The following CACNA1A variants were observed in gnomAD, a reference collection of about 807,000 sequenced individuals.
CACNA1A encodes the protein calcium voltage-gated channel subunit alpha1 A.
CACNA1A carries 57 observed loss-of-function variants against 262.4 expected under a neutral mutation model. That is an observed-to-expected ratio of 0.22 (90% CI 0.18 to 0.27). The LOEUF is 0.27. Ranked by LOEUF, CACNA1A falls within the 10% of genes least tolerant of loss-of-function variation. The pLI is 1.00. For missense variants in CACNA1A, 2,526 were observed against 3,562.8 expected (o/e 0.71, Z 7.41); for synonymous variants, 1,431 against 1,419.3 (o/e 1.01, Z -0.18).
intron 6 of CACNA1A, among the ~76,000 whole-genome samples, chr19:13,340,452 A>C (rs1234439300): frequency 8.3e-6 from 1 of 119,918 alleles, no homozygotes; most frequent in African/African-American, 3.3e-5. Context: ...TTTGAGATGG[A>C]GTCTCACTCT....
chr19:13,337,900 T>C (rs1217978532), intron 6 of CACNA1A, among the ~76,000 whole-genome samples: 6 of 152,138 alleles, frequency 3.9e-5, no homozygotes, highest in Non-Finnish European at 7.4e-5. Context: ...CTGTAGGCAA[T>C]TGTAACTCTA....
intron 17 of CACNA1A, among the ~76,000 whole-genome samples, chr19:13,301,245 C>T (rs1401743332): frequency 1.3e-5 from 2 of 152,050 alleles, no homozygotes; most frequent in Non-Finnish European, 2.9e-5. Context: ...CATGTGCCAC[C>T]ATGCCTGGCC....
intron 4 of CACNA1A, among the ~76,000 whole-genome samples, chr19:13,369,265 C>T (rs1320991177): frequency 2.0e-5 from 3 of 152,118 alleles, no homozygotes; most frequent in African/African-American, 4.8e-5. Flanking sequence ...GGAGCTACTG[C>T]GTCTCTACCT....
At chr19:13,400,908 T>C (rs956398083) in intron 3 of CACNA1A, among the ~76,000 whole-genome samples, 2 of 152,132 alleles carry the variant, frequency 1.3e-5, no homozygotes, top group Non-Finnish European at 2.9e-5. Context: ...CACTGCAACC[T>C]CCACCTCCCA....
intron 6 of CACNA1A, among the ~76,000 whole-genome samples, chr19:13,341,059 A>C (rs1266439367): frequency 6.6e-6 from 1 of 152,202 alleles, no homozygotes; most frequent in Non-Finnish European, 1.5e-5. Context: ...GAGACAGAGC[A>C]AGACCCTGTG....
At chr19:13,310,989 C>T (rs529871457) in intron 12 of CACNA1A, among the ~76,000 whole-genome samples, 150 of 152,148 alleles carry the variant, frequency 9.9e-4, no homozygotes, top group Non-Finnish European at 1.9e-3. Context: ...GACGGGGTTT[C>T]GCCATGTTGG....
chr19:13,326,788 C>CAAAAAA (rs527327502), intron 10 of CACNA1A, among the ~76,000 whole-genome samples: 1 of 129,484 alleles, frequency 7.7e-6, no homozygotes, highest in Non-Finnish European at 1.7e-5. Flanking sequence ...GACACTGTCT[C>CAAAAAA]AAAAAAAAAA....
chr19:13,437,464 G>C (rs2060630747), intron 3 of CACNA1A, among the ~76,000 whole-genome samples: 1 of 152,112 alleles, frequency 6.6e-6, no homozygotes, highest in Non-Finnish European at 1.5e-5. Context: ...GCTGAGGAGG[G>C]TGGATCACCT....
At chr19:13,340,203 C>T (rs973891281) in intron 6 of CACNA1A, among the ~76,000 whole-genome samples, 21 of 152,148 alleles carry the variant, frequency 1.4e-4, no homozygotes, top group African/African-American at 4.6e-4. Flanking sequence ...CAAGGCAGCC[C>T]GTCCATCTCA....
At chr19:13,437,793 C>T (rs1422898533) in intron 3 of CACNA1A, among the ~76,000 whole-genome samples, 1 of 152,018 alleles carries the variant, frequency 6.6e-6, no homozygotes, top group Non-Finnish European at 1.5e-5. Context: ...CCTCTGCCCC[C>T]ACCTGAGCCC....
chr19:13,361,491 C>T (rs751235960), intron 5 of CACNA1A, among the ~76,000 whole-genome samples: 9 of 152,148 alleles, frequency 5.9e-5, no homozygotes, highest in Non-Finnish European at 1.3e-4. Flanking sequence ...GTGGCATTGT[C>T]GGACAAGAAA....
At chr19:13,251,144 A>AAG (rs1203038877) in intron 30 of CACNA1A, among the ~76,000 whole-genome samples, 1 of 150,960 alleles carries the variant, frequency 6.6e-6, no homozygotes, top group Non-Finnish European at 1.5e-5. Flanking sequence ...AAAAAAAAAA[A>AAG]AAGTTTTAAA....
chr19:13,249,331 T>C (rs921735305), intron 30 of CACNA1A, among the ~76,000 whole-genome samples: 3 of 151,896 alleles, frequency 2.0e-5, no homozygotes, highest in Non-Finnish European at 4.4e-5. Context: ...AGGAAAAAGG[T>C]CCATTAGTAG....
At chr19:13,221,670 C>T (rs937079817) in intron 38 of CACNA1A, among the ~76,000 whole-genome samples, 5 of 152,124 alleles carry the variant, frequency 3.3e-5, no homozygotes, top group Non-Finnish European at 7.4e-5. Flanking sequence ...CTGCACTGGT[C>T]AAAGTGACCA....
chr19:13,488,390 CT>C (rs34348281), intron 1 of CACNA1A, among the ~76,000 whole-genome samples: 983 of 77,602 alleles, frequency 0.013, no homozygotes, highest in African/African-American at 0.021. Flanking sequence ...TTTTTCTTTT[CT>C]TTTTTTTTTT....
At chr19:13,405,881 T>C (rs1275452225) in intron 3 of CACNA1A, among the ~76,000 whole-genome samples, 1 of 152,222 alleles carries the variant, frequency 6.6e-6, no homozygotes. Flanking sequence ...AGGGACTTGC[T>C]GACTGGCCCA....
At chr19:13,313,367 A>C (rs1206248255) in intron 11 of CACNA1A, among the ~76,000 whole-genome samples, 2 of 151,892 alleles carry the variant, frequency 1.3e-5, no homozygotes, top group Non-Finnish European at 2.9e-5. Flanking sequence ...CAGTGTGGTG[A>C]CACATGCCTG....
chr19:13,379,917 C>T (rs1331294103), intron 3 of CACNA1A, among the ~76,000 whole-genome samples: 2 of 15,502 alleles, frequency 1.3e-4, no homozygotes, highest in Non-Finnish European at 1.1e-4. Flanking sequence ...AGCAAGATGC[C>T]GTCTCAAAAA....
At chr19:13,246,979 C>A (rs1205955672) in intron 30 of CACNA1A, among the ~76,000 whole-genome samples, 2 of 152,176 alleles carry the variant, frequency 1.3e-5, no homozygotes, top group East Asian at 1.9e-4. Flanking sequence ...ACAGTCACAG[C>A]CTCAAGTCCC....
Sources: gnomAD v4.1 joint callset for allele counts (sites outside exome capture counted in the v4.1 genomes callset) on GRCh38, gnomAD v4.1.1 for gene constraint, MANE v1.5 for transcripts, NCBI Gene and HGNC (gene_info 2026-07-23, HGNC 2026-07-21) for gene names.